The following CREM variants were observed in gnomAD, a reference collection of about 807,000 sequenced individuals.
CREM encodes the protein cAMP-responsive element modulator.
Under a neutral mutation model 37.3 loss-of-function variants are expected in CREM, and 13 were observed. That is an observed-to-expected ratio of 0.35 (90% CI 0.23 to 0.55). CREM has a LOEUF of 0.55. Ranked by LOEUF, CREM falls within the 20% of genes least tolerant of loss-of-function variation. The pLI is 0.88. For missense variants in CREM, 296 were observed against 362.3 expected (o/e 0.82, Z 1.49); for synonymous variants, 124 against 120.2 (o/e 1.03, Z -0.21).
At chr10:35,184,341 A>C (rs2094465930) in intron 5 of CREM, among the ~76,000 whole-genome samples, 1 of 152,350 alleles carries the variant, frequency 6.6e-6, no homozygotes, top group Middle Eastern at 3.4e-3. Flanking sequence ...TATTGAAAGC[A>C]CATGTTATGC....
intron 3 of CREM, among the ~76,000 whole-genome samples, chr10:35,170,190 C>T (rs2093743548): frequency 6.6e-6 from 1 of 152,102 alleles, no homozygotes; most frequent in Non-Finnish European, 1.5e-5. Flanking sequence ...TGGTCTCTAT[C>T]TCCTGAACTC....
At chr10:35,173,237 T>G (rs2093904567) in intron 3 of CREM, among the ~76,000 whole-genome samples, 2 of 152,222 alleles carry the variant, frequency 1.3e-5, no homozygotes, top group Non-Finnish European at 2.9e-5. Flanking sequence ...CAATTAATCC[T>G]TAAGAGACAA....
chr10:35,146,978 AT>A (rs1232180187), intron 2 of CREM, among the ~76,000 whole-genome samples: 5 of 150,620 alleles, frequency 3.3e-5, no homozygotes, highest in Admixed American at 3.3e-4. Flanking sequence ...AAAAAGAAAC[AT>A]TGTATTATTG....
Position 35,211,302 on chromosome 10 carries a change from T to C in CREM, c.804T>C (p.Cys268=), listed in dbSNP as rs369504467. Reference sequence around the variant, plus strand: ...GGAAGAAGAAAGAATATGTCAAATGTCTTGAAAATCGTGTGGCTGTGCTTG... The same window carrying C: ...GGAAGAAGAAAGAATATGTCAAATGCCTTGAAAATCGTGTGGCTGTGCTTG... ...CRRKKKEYVK[C]LENRVAVLEN... is the part of the protein sequence containing the mutation. The change falls in exon 8 of 8, where the codon TGT becomes TGC. Residue 268 remains cysteine (C), a synonymous_variant. Coordinates refer to ENST00000685392, the MANE Select transcript of CREM (RefSeq NM_183011.2). 4.3e-6 allele frequency: 7 copies of C among 1,614,026 alleles called. No homozygotes were observed. The highest frequency in any genetic ancestry group is 5.9e-6 in the Non-Finnish European group (7 of 1,180,026).
intron 6 of CREM, among the ~76,000 whole-genome samples, chr10:35,200,840 A>C (rs1398598037): frequency 6.6e-6 from 1 of 152,216 alleles, no homozygotes; most frequent in Non-Finnish European, 1.5e-5. Flanking sequence ...TTTTTTATTC[A>C]GTCTTTGTGC....
At chr10:35,186,407 A>G (rs2094553780) in intron 5 of CREM, among the ~76,000 whole-genome samples, 1 of 151,956 alleles carries the variant, frequency 6.6e-6, no homozygotes, top group African/African-American at 2.4e-5. Flanking sequence ...TCTACTTCCT[A>G]TTTGTTGCCA....
At chr10:35,196,003 A>C in intron 6 of CREM, 1 of 1,585,902 alleles carries the variant, frequency 6.3e-7, no homozygotes, top group Non-Finnish European at 8.7e-7. Context: ...CCCTACTTTA[A>C]CATTTCTTTT....
At chr10:35,179,385 A>G in intron 5 of CREM, 109 bp downstream of exon 5, 1 of 1,212,066 alleles carries the variant, frequency 8.3e-7, no homozygotes, top group South Asian at 1.7e-5. Context: ...AAAATGCATC[A>G]TTAATACCTA....
At chr10:35,155,142 ATTTAT>A (rs2092817305) in intron 3 of CREM, among the ~76,000 whole-genome samples, 1 of 152,222 alleles carries the variant, frequency 6.6e-6, no homozygotes, top group Admixed American at 6.5e-5. Flanking sequence ...ATGCATACAA[ATTTAT>A]TTTAGTGTTT....
chr10:35,140,046 C>A (rs2091212193), intron 2 of CREM, among the ~76,000 whole-genome samples: 1 of 152,110 alleles, frequency 6.6e-6, no homozygotes, highest in Non-Finnish European at 1.5e-5. Flanking sequence ...GGGCATAAAT[C>A]TGCAGATTTG....
At chr10:35,198,916 G>A (rs1204308340) in intron 6 of CREM, among the ~76,000 whole-genome samples, 13 of 152,356 alleles carry the variant, frequency 8.5e-5, no homozygotes, top group African/African-American at 3.1e-4. Flanking sequence ...TTGGGAGACC[G>A]AGGTGGGCTG....
chr10:35,195,480 ACTCTTCCCCTCCTCTT>A (rs2095114448), intron 6 of CREM, among the ~76,000 whole-genome samples: 1 of 118,746 alleles, frequency 8.4e-6, no homozygotes. Flanking sequence ...CCTCCTCCCC[ACTCTTCCCCTCCTCTT>A]CTCTTCCCCT....
intron 3 of CREM, among the ~76,000 whole-genome samples, chr10:35,172,065 A>G (rs1392598535): frequency 1.3e-5 from 2 of 152,148 alleles, no homozygotes; most frequent in Non-Finnish European, 2.9e-5. Flanking sequence ...ATCATGTCCC[A>G]ATTTCCTGAG....
At chr10:35,145,801 AAATTACTTTACTTGTGATTTACTTT>A (rs2092038513) in intron 2 of CREM, among the ~76,000 whole-genome samples, 1 of 142,522 alleles carries the variant, frequency 7.0e-6, no homozygotes, top group African/African-American at 2.5e-5. Context: ...AAAAAAAAAG[AAATTACTTTACTTGTGATTTACTTT>A]AATTACTGAC....
At chr10:35,150,791 G>A (rs1326802310) in intron 3 of CREM, among the ~76,000 whole-genome samples, 3 of 152,052 alleles carry the variant, frequency 2.0e-5, no homozygotes, top group East Asian at 1.9e-4. Flanking sequence ...ACTTCACTCC[G>A]GCCTGGGTGA....
In CREM at chr10:35,188,398, A is replaced by G; in HGVS notation, c.598+10A>G. The G allele has an allele frequency of 6.2e-7, 1 of 1,604,534 alleles. No homozygotes were observed. Among genetic ancestry groups the G allele is most frequent in the Non-Finnish European group, 8.5e-7 (1 of 1,175,124 alleles). ...CAGGTTGTTGTTCAAGGTATATTTTATTAATCTAATACATTTAGAATACCT... is the reference window on the plus strand; with the variant it reads ...CAGGTTGTTGTTCAAGGTATATTTTGTTAATCTAATACATTTAGAATACCT... On this transcript the variant is annotated intron_variant, in intron 6 of 7. Coordinates refer to ENST00000685392, the MANE Select transcript of CREM (RefSeq NM_183011.2).
At chr10:35,163,296 A>G (rs2093382843) in intron 3 of CREM, among the ~76,000 whole-genome samples, 2 of 152,204 alleles carry the variant, frequency 1.3e-5, no homozygotes, top group South Asian at 2.1e-4. Context: ...GTAATATACC[A>G]TGGTAGGTAT....
Position 35,126,922 on chromosome 10 carries a change from G to T in CREM, c.-326G>T, listed in dbSNP as rs73260847. ...TTCGAGCCTGGATTTTTTTCCTCGGGGCCTCCCCCGGGAGGCCGTCCCGGC... is the reference window on the plus strand; with the variant it reads ...TTCGAGCCTGGATTTTTTTCCTCGGTGCCTCCCCCGGGAGGCCGTCCCGGC... On this transcript the variant is annotated 5_prime_UTR_variant, in exon 1 of 8. Coordinates refer to ENST00000685392, the MANE Select transcript of CREM (RefSeq NM_183011.2). 4,531 of 152,294 alleles carry T rather than the reference G, an allele frequency of 0.03. 222 individuals are homozygous for T. The highest frequency in any genetic ancestry group is 0.1 in the African/African-American group (4,308 of 41,520). 9.4% of individuals were successfully genotyped at this position (152,294 alleles called of 1,614,324 possible). A position where few individuals can be genotyped will look rare whatever the true frequency, so the allele number is the denominator to read the frequency against.
chr10:35,149,964 A>G (rs1456901578), intron 3 of CREM, among the ~76,000 whole-genome samples: 1 of 149,888 alleles, frequency 6.7e-6, no homozygotes, highest in African/African-American at 2.5e-5. Flanking sequence ...ATGCATGTTC[A>G]TTGTAGAAAA....
Sources: allele counts gnomAD v4.1 joint callset (sites outside exome capture counted in the v4.1 genomes callset), GRCh38; gene constraint gnomAD v4.1.1; transcripts MANE v1.5; gene names NCBI Gene and HGNC (gene_info 2026-07-23, HGNC 2026-07-21).